Variants in NME7 observed in about 807,000 individuals in gnomAD.
NME7 encodes nucleoside diphosphate kinase 7.
A neutral mutation model predicts 49.1 loss-of-function variants in NME7; 41 were observed. The observed-to-expected ratio is 0.83, with a 90% CI of 0.65 to 1.08. The LOEUF (loss-of-function observed/expected upper bound fraction) is 1.08, where lower values mean the gene tolerates loss of function less well. NME7 is among the 50% of genes least tolerant of loss of function. NME7 has a pLI of 0.00. For synonymous variants in NME7, 139 were observed against 150.6 expected (o/e 0.92, Z 0.56); for missense variants, 423 against 463.4 (o/e 0.91, Z 0.80).
At position 169,270,605 on chromosome 1, in the gene NME7, T is replaced by G. The variant is rs1324321125; in HGVS notation, c.754+16698A>C. 6.0e-5 allele frequency among the ~76,000 whole-genome samples: 8 copies of G among 133,832 alleles called. 1 individual carries two copies. In the South Asian group the frequency reaches 1.8e-3, roughly 31 times the overall value. 87.8% of individuals were successfully genotyped at this position (133,832 alleles called of 152,430 possible). A position where few individuals can be genotyped will look rare whatever the true frequency, so the allele number is the denominator to read the frequency against. ...CAGTCATTCAACTTTGCTTAAAAAT[T>G]AAAAGATAATGATATTAGTGGCAGC... On this transcript the variant is annotated intron_variant, in intron 7 of 11. Coordinates refer to ENST00000367811, the MANE Select transcript of NME7 (RefSeq NM_013330.5).
At chr1:169,336,021 G>C (rs1348369562) in intron 1 of NME7, among the ~76,000 whole-genome samples, 3 of 151,840 alleles carry the variant, frequency 2.0e-5, no homozygotes, top group Non-Finnish European at 4.4e-5. Context: ...AGCTCTTAAG[G>C]TGGCGCATCC....
intron 10 of NME7, among the ~76,000 whole-genome samples, chr1:169,197,198 T>C (rs1044919262): frequency 3.3e-5 from 5 of 152,088 alleles, no homozygotes; most frequent in African/African-American, 4.8e-5. Flanking sequence ...GCTTTATAAA[T>C]TGAAAAAGAT....
intron 11 of NME7, among the ~76,000 whole-genome samples, chr1:169,135,005 C>T (rs1278772793): frequency 3.2e-5 from 3 of 93,334 alleles, no homozygotes; most frequent in Non-Finnish European, 6.5e-5. Context: ...GGAGATCCCC[C>T]CGTCTCTACA....
chr1:169,354,298 A>G (rs1202910073), intron 1 of NME7, among the ~76,000 whole-genome samples: 3 of 152,122 alleles, frequency 2.0e-5, no homozygotes, highest in Admixed American at 2.0e-4. Context: ...GCACAAAAAC[A>G]TTGCACGTTC....
intron 11 of NME7, among the ~76,000 whole-genome samples, chr1:169,136,655 A>G (rs1658442765): frequency 6.6e-6 from 1 of 152,218 alleles, no homozygotes; most frequent in South Asian, 2.1e-4. Flanking sequence ...TAACATATTC[A>G]ACATATCCAA....
chr1:169,135,949 G>GTGATTCGCAATCA (rs1658415027), intron 11 of NME7, among the ~76,000 whole-genome samples: 1 of 152,028 alleles, frequency 6.6e-6, no homozygotes, highest in African/African-American at 2.4e-5. Flanking sequence ...TCTGTAGCTA[G>GTGATTCGCAATCA]CTTTATCACA....
intron 11 of NME7, among the ~76,000 whole-genome samples, chr1:169,167,245 C>T (rs1411740734): frequency 2.0e-5 from 3 of 152,072 alleles, no homozygotes; most frequent in Non-Finnish European, 4.4e-5. Flanking sequence ...CCATACCTCA[C>T]ACTATATGTC....
chr1:169,187,687 G>T (rs991263414), intron 10 of NME7, among the ~76,000 whole-genome samples: 1 of 152,080 alleles, frequency 6.6e-6, no homozygotes, highest in African/African-American at 2.4e-5. Context: ...ACACTGATGG[G>T]TCTTGACTCT....
At chr1:169,323,756 C>T (rs111753509) in intron 2 of NME7, among the ~76,000 whole-genome samples, 10 of 150,740 alleles carry the variant, frequency 6.6e-5, no homozygotes, top group East Asian at 3.9e-4. Context: ...ATAATGAGGA[C>T]GTATTTATGA....
intron 1 of NME7, among the ~76,000 whole-genome samples, chr1:169,330,823 G>T (rs996338387): frequency 6.6e-6 from 1 of 151,996 alleles, no homozygotes; most frequent in Non-Finnish European, 1.5e-5. Context: ...AATCTACCAA[G>T]ATTGAACCAG....
intron 11 of NME7, among the ~76,000 whole-genome samples, chr1:169,140,145 A>C (rs1557958756): frequency 6.6e-6 from 1 of 152,192 alleles, no homozygotes; most frequent in Non-Finnish European, 1.5e-5. Context: ...ATATGTACAG[A>C]AAGACAGAAG....
intron 4 of NME7, 137 bp from the exon 5 acceptor site, chr1:169,303,332 A>G (rs1397806879): frequency 2.5e-6 from 1 of 398,708 alleles, no homozygotes; most frequent in Non-Finnish European, 4.4e-6. Context: ...TTTTCACCAA[A>G]TATTCTGTCA....
intron 7 of NME7, among the ~76,000 whole-genome samples, chr1:169,270,718 T>C (rs1191971452): frequency 2.2e-5 from 3 of 133,494 alleles, no homozygotes; most frequent in Admixed American, 7.4e-5. Context: ...GGGAACTGTC[T>C]AGAGCACCTT....
At chr1:169,335,479 A>T (rs920119430) in intron 1 of NME7, among the ~76,000 whole-genome samples, 5 of 151,822 alleles carry the variant, frequency 3.3e-5, no homozygotes, top group African/African-American at 1.2e-4. Context: ...AATACTACAC[A>T]TTCTCACTCA....
chr1:169,189,650 C>T (rs1323416096), intron 10 of NME7, among the ~76,000 whole-genome samples: 1 of 152,050 alleles, frequency 6.6e-6, no homozygotes, highest in African/African-American at 2.4e-5. Flanking sequence ...TTCTGATTGG[C>T]CTGACTCTGA....
chr1:169,337,221 G>A (rs889672030), intron 1 of NME7, among the ~76,000 whole-genome samples: 2 of 152,224 alleles, frequency 1.3e-5, no homozygotes, highest in Non-Finnish European at 1.5e-5. Flanking sequence ...GCCGTGCCCC[G>A]TGGGAAGGCA....
chr1:169,210,991 CT>C (rs3835446), intron 10 of NME7, among the ~76,000 whole-genome samples: 48,572 of 149,086 alleles, frequency 0.33, 9,531 homozygotes, highest in Non-Finnish European at 0.45. Flanking sequence ...ATCATAAGCT[CT>C]TTTTTTTTTT....
In NME7 at chr1:169,342,582, ATATATATACAAGTACATATATATAG is replaced by A. The variant is rs1652765901; in HGVS notation, c.4-18107_4-18083del. ...ATACAAGTACATATATATAGTATAT[ATATATATACAAGTACATATATATAG>A]TATATATATATACAAGTACATATAT... On this transcript the variant is annotated intron_variant, in intron 1 of 11. Coordinates refer to ENST00000367811, the MANE Select transcript of NME7 (RefSeq NM_013330.5). 2.0e-5 allele frequency among the ~76,000 whole-genome samples: 2 copies of A among 97,856 alleles called. 1 individual carries two copies. The highest frequency in any genetic ancestry group is 4.3e-5 in the Non-Finnish European group (2 of 46,866). The allele number at this position is 97,856 out of a possible 152,430, so 64.2% of individuals were successfully genotyped here. A position where few individuals can be genotyped will look rare whatever the true frequency, so the allele number is the denominator to read the frequency against.
intron 10 of NME7, among the ~76,000 whole-genome samples, chr1:169,173,156 C>T (rs1659652614): frequency 6.6e-6 from 1 of 152,160 alleles, no homozygotes; most frequent in African/African-American, 2.4e-5. Flanking sequence ...TTTAACCTCT[C>T]TATGCCTGCT....
Sources: gnomAD v4.1 joint callset for allele counts (sites outside exome capture counted in the v4.1 genomes callset) on GRCh38, gnomAD v4.1.1 for gene constraint, MANE v1.5 for transcripts, NCBI Gene and HGNC (gene_info 2026-07-23, HGNC 2026-07-21) for gene names.